Variants in CSMD1 observed in about 807,000 individuals in gnomAD.
CSMD1 encodes the protein CUB and Sushi multiple domains 1.
In CSMD1, 213 loss-of-function variants were observed where a neutral mutation model predicts 417.5. That is an observed-to-expected ratio of 0.51 (90% CI 0.46 to 0.57). CSMD1 has a LOEUF of 0.57. Among genes scored for constraint, CSMD1 ranks in the 20% least tolerant of loss-of-function variants. CSMD1 has a pLI of 0.00. For missense variants in CSMD1, 6,923 were observed against 4,529.7 expected (o/e 1.53, Z -15.17); for synonymous variants, 2,862 against 1,736.8 (o/e 1.65, Z -16.11).
At chr8:3,593,241 C>T (rs922186439) in intron 8 of CSMD1, among the ~76,000 whole-genome samples, 4 of 152,254 alleles carry the variant, frequency 2.6e-5, no homozygotes, top group African/African-American at 9.6e-5. Flanking sequence ...CAGAACAAGA[C>T]AGAACCCCCG....
At chr8:3,081,174 G>A (rs7005969) in intron 49 of CSMD1, among the ~76,000 whole-genome samples, 23,174 of 152,174 alleles carry the variant, frequency 0.15, 1,839 homozygotes, top group Non-Finnish European at 0.17. Context: ...TGAGCTCAAC[G>A]TGCCAGGTTT....
intron 10 of CSMD1, among the ~76,000 whole-genome samples, chr8:3,508,239 G>C (rs557188703): frequency 6.6e-6 from 1 of 152,014 alleles, no homozygotes; most frequent in African/African-American, 2.4e-5. Context: ...AGGCACTTAA[G>C]TGGTGTCTGT....
chr8:3,505,971 G>C (rs768734032), intron 10 of CSMD1, among the ~76,000 whole-genome samples: 54 of 152,202 alleles, frequency 3.5e-4, no homozygotes, highest in Non-Finnish European at 6.5e-4. Context: ...AAAGGAAGAG[G>C]GTTGAGTGGA....
chr8:4,177,291 C>G (rs1156797784), intron 3 of CSMD1, among the ~76,000 whole-genome samples: 3 of 152,010 alleles, frequency 2.0e-5, no homozygotes, highest in Non-Finnish European at 4.4e-5. Context: ...CAAAACCGCT[C>G]AACTACATGG....
At chr8:3,842,454 T>A (rs990477604) in intron 5 of CSMD1, among the ~76,000 whole-genome samples, 1 of 152,186 alleles carries the variant, frequency 6.6e-6, no homozygotes, top group African/African-American at 2.4e-5. Context: ...TAAATGATTT[T>A]ATTCTCATTG....
chr8:4,186,193 A>G (rs774839099), intron 3 of CSMD1, among the ~76,000 whole-genome samples: 1 of 152,136 alleles, frequency 6.6e-6, no homozygotes, highest in African/African-American at 2.4e-5. Flanking sequence ...TGTTCCAGAG[A>G]ACATTGTGGA....
chr8:4,176,710 G>T (rs567546325), intron 3 of CSMD1, among the ~76,000 whole-genome samples: 1 of 150,568 alleles, frequency 6.6e-6, no homozygotes, highest in East Asian at 1.9e-4. Context: ...ACACACATAG[G>T]CTCAAAATAA....
chr8:3,737,987 A>G (rs1343470559), intron 6 of CSMD1, among the ~76,000 whole-genome samples: 1 of 152,218 alleles, frequency 6.6e-6, no homozygotes, highest in African/African-American at 2.4e-5. Flanking sequence ...AAATTGCAGA[A>G]GAATGCAGTG....
intron 26 of CSMD1, among the ~76,000 whole-genome samples, chr8:3,273,971 T>C (rs1802075347): frequency 6.6e-6 from 1 of 151,756 alleles, no homozygotes; most frequent in Non-Finnish European, 1.5e-5. Flanking sequence ...TTCTGCTAGC[T>C]TTTGAATGTG....
intron 3 of CSMD1, among the ~76,000 whole-genome samples, chr8:4,268,690 G>A (rs1367553238): frequency 6.6e-6 from 1 of 151,818 alleles, no homozygotes; most frequent in African/African-American, 2.4e-5. Flanking sequence ...AGATATATGT[G>A]TATCTCAATT....
intron 1 of CSMD1, among the ~76,000 whole-genome samples, chr8:4,807,359 A>G (rs1798649289): frequency 6.6e-6 from 1 of 152,184 alleles, no homozygotes; most frequent in African/African-American, 2.4e-5. Flanking sequence ...TATTCAGGGC[A>G]GTACTCTCCT....
At chr8:3,602,672 A>T (rs1458011270) in intron 8 of CSMD1, among the ~76,000 whole-genome samples, 1 of 151,990 alleles carries the variant, frequency 6.6e-6, no homozygotes, top group Admixed American at 6.6e-5. Flanking sequence ...TATGGAAGAA[A>T]TAATCACATC....
chr8:3,544,707 T>C (rs1761971070), intron 10 of CSMD1, among the ~76,000 whole-genome samples: 1 of 152,054 alleles, frequency 6.6e-6, no homozygotes, highest in African/African-American at 2.4e-5. Context: ...CACAGAAGCT[T>C]GACTAGACGG....
intron 3 of CSMD1, among the ~76,000 whole-genome samples, chr8:4,301,929 G>T (rs1798000885): frequency 6.6e-6 from 1 of 152,100 alleles, no homozygotes; most frequent in South Asian, 2.1e-4. Flanking sequence ...TTTGATAGGG[G>T]CTCTTTTCAA....
chr8:3,646,552 T>C (rs1797580220), intron 7 of CSMD1, among the ~76,000 whole-genome samples: 1 of 152,190 alleles, frequency 6.6e-6, no homozygotes, highest in Non-Finnish European at 1.5e-5. Context: ...CATTTCACAA[T>C]GCATGAGCTT....
At chr8:4,362,541 A>G (rs1229925991) in intron 3 of CSMD1, among the ~76,000 whole-genome samples, 2 of 152,176 alleles carry the variant, frequency 1.3e-5, no homozygotes, top group African/African-American at 2.4e-5. Flanking sequence ...AGGATCTTTA[A>G]TTTATTGTGG....
intron 5 of CSMD1, among the ~76,000 whole-genome samples, chr8:3,944,959 A>C (rs1288933551): frequency 6.6e-6 from 1 of 152,194 alleles, no homozygotes; most frequent in Non-Finnish European, 1.5e-5. Context: ...TACAAGGATG[A>C]CAAAGATATC....
chr8:3,785,047 C>G (rs1358715978), intron 5 of CSMD1, among the ~76,000 whole-genome samples: 2 of 152,182 alleles, frequency 1.3e-5, no homozygotes, highest in Non-Finnish European at 2.9e-5. Context: ...GATAGAAAAA[C>G]TGCCCATCTC....
chr8:3,193,600 C>A (rs1485472137), intron 33 of CSMD1, among the ~76,000 whole-genome samples: 1 of 152,062 alleles, frequency 6.6e-6, no homozygotes, highest in African/African-American at 2.4e-5. Flanking sequence ...CATTCTCTAT[C>A]CTTTAGTAAA....
Sources: gnomAD v4.1 joint callset for allele counts (sites outside exome capture counted in the v4.1 genomes callset) on GRCh38, gnomAD v4.1.1 for gene constraint, MANE v1.5 for transcripts, NCBI Gene and HGNC (gene_info 2026-07-23, HGNC 2026-07-21) for gene names.